The following PMVK variants were observed in gnomAD, a reference collection of about 807,000 sequenced individuals.
The protein encoded by PMVK is phosphomevalonate kinase.
A neutral mutation model predicts 19.0 loss-of-function variants in PMVK; 10 were observed. That is an observed-to-expected ratio of 0.53 (90% CI 0.32 to 0.89). The LOEUF is 0.89. PMVK is among the 40% of genes least tolerant of loss of function. The probability of loss-of-function intolerance (pLI) is 0.03; values close to 1 mark genes in which losing one functional copy is unlikely to be tolerated. For missense variants in PMVK, 222 were observed against 251.1 expected, an observed-to-expected ratio of 0.88 and a Z score of 0.78; for synonymous variants, 108 against 101.6, an observed-to-expected ratio of 1.06 and a Z score of -0.38.
At chr1:154,936,907 G>C, upstream of PMVK, 1 of 555,032 alleles carries the variant, frequency 1.8e-6, no homozygotes, top group South Asian at 2.0e-5. Flanking sequence ...GGAGAGAAAG[G>C]CGGTTCCTTC....
upstream of PMVK, among the ~76,000 whole-genome samples, chr1:154,941,269 G>A (rs181975300): frequency 1.1e-4 from 17 of 152,310 alleles, no homozygotes; most frequent in East Asian, 5.8e-4. Flanking sequence ...ATTTGGGAGC[G>A]GCAGTCACCT....
intron 1 of PMVK, among the ~76,000 whole-genome samples, chr1:154,934,805 G>A (rs1054151631): frequency 2.6e-5 from 4 of 152,104 alleles, no homozygotes; most frequent in African/African-American, 4.8e-5. Flanking sequence ...GTTCACGTCT[G>A]TAATCCCAGC....
chr1:154,940,142 G>A (rs1654612419), upstream of PMVK, among the ~76,000 whole-genome samples: 1 of 152,192 alleles, frequency 6.6e-6, no homozygotes, highest in Non-Finnish European at 1.5e-5. Flanking sequence ...AGATGAGCAA[G>A]CATTGATGGC....
chr1:154,928,405 G>A (rs1654234543), intron 3 of PMVK, among the ~76,000 whole-genome samples: 1 of 152,198 alleles, frequency 6.6e-6, no homozygotes, highest in African/African-American at 2.4e-5. Flanking sequence ...TTTTCATTTT[G>A]TTCATGAGCA....
upstream of PMVK, among the ~76,000 whole-genome samples, chr1:154,940,421 G>A (rs1281926263): frequency 1.3e-5 from 2 of 152,174 alleles, no homozygotes; most frequent in Admixed American, 6.5e-5. Context: ...GGAGGGTGGG[G>A]GGAATGGTGA....
chr1:154,926,232 A>G, intron 4 of PMVK, 122 bp downstream of exon 4: 1 of 892,198 alleles, frequency 1.1e-6, no homozygotes, highest in South Asian at 1.7e-5. Flanking sequence ...GCTACTCCCT[A>G]ATCAGGAGGC....
the PMVK span, among the ~76,000 whole-genome samples, chr1:154,942,001 C>T: frequency 6.6e-6 from 1 of 152,094 alleles, no homozygotes; most frequent in African/African-American, 2.4e-5. Context: ...TGGGGACTAC[C>T]AGGAAATGAG....
intron 3 of PMVK, among the ~76,000 whole-genome samples, chr1:154,927,469 A>C (rs983054422): frequency 6.0e-5 from 9 of 150,380 alleles, no homozygotes; most frequent in East Asian, 5.8e-4. Context: ...AAAAAAAAAA[A>C]AAAAAAACAC....
chr1:154,941,358 G>A (rs1654635275), upstream of PMVK, among the ~76,000 whole-genome samples: 1 of 152,204 alleles, frequency 6.6e-6, no homozygotes, highest in East Asian at 1.9e-4. Flanking sequence ...AGGGAACTCA[G>A]ATAAGTGCTT....
intron 1 of PMVK, chr1:154,936,244 G>A (rs1018549695): frequency 1.5e-5 from 4 of 258,300 alleles, no homozygotes; most frequent in South Asian, 2.9e-4. Context: ...ACCACGCCCA[G>A]CTACTTTTTG....
rs368867937 is a variant in PMVK, at chr1:154,926,342, A to T, written c.442+12T>A. 8.1e-6 allele frequency: 13 copies of T among 1,611,480 alleles called. No individual in the cohort carries two copies. The highest frequency in any genetic ancestry group is 1.0e-5 in the Non-Finnish European group (12 of 1,178,928). ...CTGTGTCCTCCTGTGCCCTACACAT[A>T]GAGTGGCTCACCTGGCGTGAACACC... On this transcript the variant is annotated intron_variant, in intron 4 of 4. Transcript: ENST00000368467.
Position 154,929,153 on chromosome 1 carries a change from T to C in PMVK, c.183A>G (p.Arg61=), listed in dbSNP as rs1654261472. ...YAQEHGLNFQ[R]LLDTSTYKEA... Reference sequence around the variant, plus strand: ...CCTTGTAGGTGCTGGTGTCCAGGAGTCTCTGGAAGTTCAAGCCATGCTCCT... The same window carrying C: ...CCTTGTAGGTGCTGGTGTCCAGGAGCCTCTGGAAGTTCAAGCCATGCTCCT... The change falls in exon 3 of 5, where the codon AGA becomes AGG. Residue 61 remains arginine, a synonymous_variant. Coordinates refer to ENST00000368467, the MANE Select transcript of PMVK (RefSeq NM_006556.4). The C allele has an allele frequency of 3.1e-6, 5 of 1,613,744 alleles. No homozygotes were observed. The highest frequency in any genetic ancestry group is 4.2e-6 in the Non-Finnish European group (5 of 1,179,820).
upstream of PMVK, chr1:154,937,566 T>C (rs1654549901): frequency 6.7e-6 from 1 of 149,222 alleles, no homozygotes; most frequent in African/African-American, 2.4e-5. Flanking sequence ...GAATAATCTG[T>C]CCTTTCCCTG....
intron 1 of PMVK, among the ~76,000 whole-genome samples, chr1:154,936,229 G>C (rs781183549): frequency 7.2e-5 from 11 of 151,960 alleles, no homozygotes; most frequent in South Asian, 2.1e-4. Flanking sequence ...CCACAGGCAC[G>C]CGTCACCACG....
chr1:154,941,908 C>A, the PMVK span, among the ~76,000 whole-genome samples: 1 of 151,838 alleles, frequency 6.6e-6, no homozygotes. Flanking sequence ...GCTGAGGGCA[C>A]TGGGGAAAGG....
At chr1:154,928,823 G>A (rs904373649) in intron 3 of PMVK, among the ~76,000 whole-genome samples, 21 of 140,486 alleles carry the variant, frequency 1.5e-4, no homozygotes, top group African/African-American at 4.9e-4. Flanking sequence ...ATAATAAAAG[G>A]TCAGTCTGGC....
chr1:154,929,853 C>T (rs570986569), intron 2 of PMVK, among the ~76,000 whole-genome samples: 125 of 152,210 alleles, frequency 8.2e-4, no homozygotes, highest in African/African-American at 2.9e-3. Flanking sequence ...AGCATCACCT[C>T]GTTCAGATTC....
intron 1 of PMVK, among the ~76,000 whole-genome samples, chr1:154,934,310 T>C (rs1166777522): frequency 6.6e-6 from 1 of 152,172 alleles, no homozygotes; most frequent in East Asian, 1.9e-4. Context: ...TAAGTGTTCT[T>C]TGTTTTGTTT....
At chr1:154,936,478 C>T in intron 1 of PMVK, 113 bp downstream of exon 1, 1 of 1,500,246 alleles carries the variant, frequency 6.7e-7, no homozygotes. Flanking sequence ...GCTCCTCCTG[C>T]CTTGCAAACG....
Sources: allele counts gnomAD v4.1 joint callset (sites outside exome capture counted in the v4.1 genomes callset), GRCh38; gene constraint gnomAD v4.1.1; transcripts MANE v1.5; gene names NCBI Gene and HGNC (gene_info 2026-07-23, HGNC 2026-07-21).